Variants in DCAF7 observed in about 807,000 individuals in gnomAD.
The protein encoded by DCAF7 is DDB1- and CUL4-associated factor 7.
A neutral mutation model predicts 41.2 loss-of-function variants in DCAF7; 4 were observed. That is an observed-to-expected ratio of 0.10 (90% confidence interval 0.05 to 0.22). DCAF7 has a LOEUF of 0.22. DCAF7 is among the 10% of genes least tolerant of loss of function. DCAF7 has a pLI of 1.00. For missense variants in DCAF7, 131 were observed against 443.2 expected (o/e 0.30, Z 6.32); for synonymous variants, 143 against 164.2 (o/e 0.87, Z 0.99).
At chr17:63,579,592 T>C in intron 3 of DCAF7, 144 bp downstream of exon 3, 1 of 695,650 alleles carries the variant, frequency 1.4e-6, no homozygotes, top group Admixed American at 2.7e-5. Flanking sequence ...AATTCCTTTG[T>C]GTGGGTGAGC....
intron 5 of DCAF7, among the ~76,000 whole-genome samples, chr17:63,584,747 C>T (rs1313074666): frequency 2.0e-5 from 3 of 152,122 alleles, no homozygotes; most frequent in African/African-American, 7.2e-5. Context: ...GGTGACAGGG[C>T]ATGCTCTGTC....
At position 63,592,900 on chromosome 17, in the gene DCAF7, C is replaced by G. The variant is rs886714375; in HGVS notation, c.*3728C>G. ...AGGTTATGACAGTTATGCAGACTTT[C>G]CCCCTCCTTTTTCTCTTTTCTCTTC... On this transcript the variant is annotated 3_prime_UTR_variant, in exon 7 of 7. Transcript: ENST00000614556. 6.6e-6 allele frequency: 1 copy of G among 152,466 alleles called. No homozygotes were observed. Among genetic ancestry groups the G allele is most frequent in the Non-Finnish European group, 1.5e-5 (1 of 68,320 alleles). 9.4% of individuals were successfully genotyped at this position (152,466 alleles called of 1,614,324 possible).
rs147354907 is a variant in DCAF7, at chr17:63,566,606, T to C, written c.139-11864T>C. Among the ~76,000 whole-genome samples the C allele has an allele frequency of 4.7e-3, 715 of 152,300 alleles. 2 individuals carry two copies. The highest frequency in any genetic ancestry group is 7.7e-3 in the Non-Finnish European group (523 of 68,016). ...AGAGCTATTTGTACTGAAGATCTTC[T>C]AAGATTATTGTTAAAAGCAAATTGC... On this transcript the variant is annotated intron_variant, in intron 1 of 6. Transcript: ENST00000614556.
intron 5 of DCAF7, among the ~76,000 whole-genome samples, chr17:63,584,791 C>G (rs1214973114): frequency 1.3e-5 from 2 of 152,118 alleles, no homozygotes; most frequent in African/African-American, 4.8e-5. Context: ...GCAGCTCTCT[C>G]TAGTCTGTTA....
intron 1 of DCAF7, chr17:63,552,244 G>A (rs1026014676): frequency 2.0e-5 from 3 of 152,176 alleles, no homozygotes; most frequent in African/African-American, 7.2e-5. Flanking sequence ...ACATGTGAGG[G>A]TCTTGTAAAA....
Position 63,550,520 on chromosome 17 carries a change from G to T in DCAF7, c.-158G>T. The T allele has an allele frequency of 8.3e-7, 1 of 1,210,702 alleles. No homozygotes were observed. 75.0% of individuals were successfully genotyped at this position (1,210,702 alleles called of 1,614,324 possible). A position where few individuals can be genotyped will look rare whatever the true frequency, so the allele number is the denominator to read the frequency against. On this transcript the variant is annotated 5_prime_UTR_variant, in exon 1 of 7. Coordinates refer to ENST00000614556, the MANE Select transcript of DCAF7 (RefSeq NM_005828.5). The surrounding 1 kb of genome is among the most constrained non-coding windows in gnomAD (Gnocchi z 4.8). Reference sequence around the variant, plus strand: ...GGTTTGAAACTAGGGGTCGGGCTCGGCCGTCGTCGTTGTTTGTCGCCGCAT... The same window carrying T: ...GGTTTGAAACTAGGGGTCGGGCTCGTCCGTCGTCGTTGTTTGTCGCCGCAT...
chr17:63,578,369 CA>C, intron 1 of DCAF7, 100 bp from the exon 2 acceptor site: 5 of 1,530,562 alleles, frequency 3.3e-6, no homozygotes, highest in Non-Finnish European at 2.7e-6. Flanking sequence ...GTCTTTAAAA[CA>C]AAAAACAAAC....
chr17:63,585,191 TTTAC>T lies in DCAF7; in HGVS notation c.739-17_739-14del, dbSNP rs1195325089. ...ATGAAACTCTGATGATCCCAGGCCT[TTTAC>T]TTGTTATTTCCGCAGGTGGTGATTC... is the stretch of plus-strand genomic sequence containing the variant. On this transcript the variant is annotated splice_polypyrimidine_tract_variant and intron_variant, in intron 5 of 6. Transcript: ENST00000614556. The T allele has an allele frequency of 3.7e-6, 6 of 1,604,584 alleles. No homozygotes were observed. Among genetic ancestry groups the T allele is most frequent in the Admixed American group, 1.7e-5 (1 of 59,882 alleles).
At chr17:63,569,745 C>G (rs1598030798) in intron 1 of DCAF7, among the ~76,000 whole-genome samples, 1 of 152,096 alleles carries the variant, frequency 6.6e-6, no homozygotes. Context: ...TGGAGTGTCA[C>G]TCTGTTGCTC....
intron 1 of DCAF7, among the ~76,000 whole-genome samples, chr17:63,559,405 ATATGTATATATATACG>A (rs2033352815): frequency 1.0e-5 from 1 of 95,840 alleles, no homozygotes; most frequent in African/African-American, 6.5e-5. Flanking sequence ...ATATGTATAT[ATATGTATATATATACG>A]TATATATATA....
intron 1 of DCAF7, among the ~76,000 whole-genome samples, chr17:63,562,068 C>T (rs2147762705): frequency 6.7e-6 from 1 of 149,842 alleles, no homozygotes. Context: ...CAGAGGAACA[C>T]TTACCCTACC....
Position 63,569,660 on chromosome 17 carries a change from G to A in DCAF7, c.139-8810G>A, listed in dbSNP as rs112893125. Among the ~76,000 whole-genome samples the A allele has an allele frequency of 9.3e-3, 1,415 of 152,266 alleles. 31 individuals carry two copies. Among genetic ancestry groups the A allele is most frequent in the African/African-American group, 0.033 (1,369 of 41,552 alleles). The stretch of plus-strand genomic sequence containing the variant: ...TAGGAGCCAATACTATCTGACCTCT[G>A]AGTAACAAATGTACCTTTTTATTTT... On this transcript the variant is annotated intron_variant, in intron 1 of 6. Coordinates refer to ENST00000614556, the MANE Select transcript of DCAF7 (RefSeq NM_005828.5).
In DCAF7 at chr17:63,594,132, T is replaced by C. The variant is rs1003887885; in HGVS notation, c.*4960T>C. ...ATGGGCACCTGAAAGTGGAGTGTTA[T>C]AGCTATGACTTTCTATTTCTTGTTT... On this transcript the variant is annotated 3_prime_UTR_variant, in exon 7 of 7. Coordinates refer to ENST00000614556, the MANE Select transcript of DCAF7 (RefSeq NM_005828.5). 3 of 152,684 alleles carry C rather than the reference T, an allele frequency of 2.0e-5. No homozygotes were observed. The highest frequency in any genetic ancestry group is 2.9e-5 in the Non-Finnish European group (2 of 68,054). The allele number at this position is 152,684 out of a possible 1,614,324, so 9.5% of individuals were successfully genotyped here. A position where few individuals can be genotyped will look rare whatever the true frequency, so the allele number is the denominator to read the frequency against.
chr17:63,577,102 A>G (rs918369905), intron 1 of DCAF7, among the ~76,000 whole-genome samples: 1 of 152,192 alleles, frequency 6.6e-6, no homozygotes, highest in Non-Finnish European at 1.5e-5. Context: ...AGACAAAACC[A>G]TAGATCAGTG....
chr17:63,583,684 GGCC>G lies in DCAF7; in HGVS notation c.712_714del (p.Ala238del). On this transcript the variant is annotated inframe_deletion, in exon 5 of 7. Coordinates refer to ENST00000614556, the MANE Select transcript of DCAF7 (RefSeq NM_005828.5). Reference sequence around the variant, plus strand: ...GGAACAAGCAGGACCCTAACTACCTGGCCACCATGGCCATGGATGGAATGGAGG... The same window carrying G: ...GGAACAAGCAGGACCCTAACTACCTGACCATGGCCATGGATGGAATGGAGG... 1 of 1,613,832 alleles carries G rather than the reference GGCC, an allele frequency of 6.2e-7. No individual in the cohort carries two copies. The highest frequency in any genetic ancestry group is 8.5e-7 in the Non-Finnish European group (1 of 1,179,826).
chr17:63,578,322 C>T (rs2147773824), intron 1 of DCAF7, 148 bp from the exon 2 acceptor site: 1 of 1,077,586 alleles, frequency 9.3e-7, no homozygotes, highest in Non-Finnish European at 1.3e-6. Flanking sequence ...TGTGGTTGCA[C>T]CACTGCACTC....
intron 1 of DCAF7, among the ~76,000 whole-genome samples, chr17:63,557,177 C>T (rs9906924): frequency 0.2 from 30,491 of 152,024 alleles, 3,279 homozygotes; most frequent in Middle Eastern, 0.32. Flanking sequence ...AATTGTCAGT[C>T]CTACCACTGT....
Position 63,590,045 on chromosome 17 carries a change from G to A in DCAF7, c.*873G>A, listed in dbSNP as rs1360726686. 1 of 152,642 alleles carries A rather than the reference G, an allele frequency of 6.6e-6. No individual in the cohort carries two copies. The highest frequency in any genetic ancestry group is 1.5e-5 in the Non-Finnish European group (1 of 68,062). 9.5% of individuals were successfully genotyped at this position (152,642 alleles called of 1,614,324 possible). On this transcript the variant is annotated 3_prime_UTR_variant, in exon 7 of 7. Transcript: ENST00000614556. ...GGCTCTCAGGGTACCTGACTTGAGG[G>A]GAATCGTTTCATGAAGCTGAACTTC...
At chr17:63,579,733 C>T (rs2033599718) in intron 3 of DCAF7, 92 bp from the exon 4 acceptor site, 3 of 1,098,912 alleles carry the variant, frequency 2.7e-6, no homozygotes, top group East Asian at 2.5e-5. Flanking sequence ...TGGTATGCTG[C>T]TCCCTGGGCT....
Sources: allele counts gnomAD v4.1 joint callset (sites outside exome capture counted in the v4.1 genomes callset), GRCh38; gene constraint gnomAD v4.1.1; non-coding constraint Gnocchi (gnomAD v3.1); transcripts MANE v1.5; gene names NCBI Gene and HGNC (gene_info 2026-07-23, HGNC 2026-07-21).